UBXN2A: variants seen among roughly 807,000 people sequenced by gnomAD.
UBXN2A encodes the protein UBX domain-containing protein 2A.
UBXN2A carries 28 observed loss-of-function variants against 28.4 expected under a neutral mutation model. The observed-to-expected ratio is 0.99, with a 90% confidence interval of 0.73 to 1.35. The LOEUF (loss-of-function observed/expected upper bound fraction) is 1.35. UBXN2A is among the 40% of genes most tolerant of loss of function. The pLI is 0.00. For synonymous variants in UBXN2A, 97 were observed against 103.6 expected, an observed-to-expected ratio of 0.94 and a Z score of 0.39; for missense variants, 253 against 297.9, an observed-to-expected ratio of 0.85 and a Z score of 1.11.
At position 23,929,712 on chromosome 2, in the gene UBXN2A, CA is replaced by C. The variant is rs199982390; in HGVS notation, c.-138+2106del. ...TGGGCAACAGTGCAAAACTCCATCT[CA>C]AAAAAAAATAAATAAATAAAAAGGC... On this transcript the variant is annotated intron_variant, in intron 1 of 7. Coordinates refer to the UBXN2A transcript ENST00000404924. Among the ~76,000 whole-genome samples the C allele has an allele frequency of 3.3e-5, 5 of 149,256 alleles. No individual in the cohort carries two copies. The East Asian group carries it at 7.9e-4, about 24-fold the overall frequency.
In UBXN2A at chr2:24,003,039, A is replaced by G. The variant is rs1708749521; in HGVS notation, c.*3172A>G. The G allele has an allele frequency of 6.6e-6, 1 of 152,196 alleles. No homozygotes were observed. The highest frequency in any genetic ancestry group is 1.9e-4 in the East Asian group (1 of 5,200). The allele number at this position is 152,196 out of a possible 1,614,324, so 9.4% of individuals were successfully genotyped here. On this transcript the variant is annotated 3_prime_UTR_variant, in exon 7 of 7. Coordinates refer to ENST00000309033, the MANE Select transcript of UBXN2A (RefSeq NM_181713.4). ...TGGTTCACAATGATTCTGAAGCCTTAGTTTCAGAATCATTTGGGGCAGCTT... is the reference window on the plus strand; with the variant it reads ...TGGTTCACAATGATTCTGAAGCCTTGGTTTCAGAATCATTTGGGGCAGCTT...
intron 1 of UBXN2A, among the ~76,000 whole-genome samples, chr2:23,955,001 C>T (rs996008006): frequency 4.3e-5 from 6 of 139,586 alleles, no homozygotes; most frequent in Admixed American, 2.4e-4. Context: ...GGTGCAATTT[C>T]GGCTCACTGC....
intron 3 of UBXN2A, 34 bp from the exon 4 acceptor site, chr2:23,976,935 A>AACATGAC (rs753520533): frequency 6.1e-5 from 94 of 1,539,952 alleles, no homozygotes; most frequent in Non-Finnish European, 7.2e-5. Context: ...ACATTTTATT[A>AACATGAC]ACATGACGCA....
chr2:23,999,070 A>G (rs1385142799), intron 6 of UBXN2A, among the ~76,000 whole-genome samples: 1 of 152,238 alleles, frequency 6.6e-6, no homozygotes, highest in Non-Finnish European at 1.5e-5. Context: ...ATAAAGTGGC[A>G]CGTAGTGAAT....
chr2:23,959,178 T>C (rs1336898107), intron 2 of UBXN2A, among the ~76,000 whole-genome samples: 1 of 152,140 alleles, frequency 6.6e-6, no homozygotes, highest in African/African-American at 2.4e-5. Context: ...TATATAAATA[T>C]TTGATGCTAA....
intron 1 of UBXN2A, among the ~76,000 whole-genome samples, chr2:23,930,111 A>C (rs1705324690): frequency 6.6e-6 from 1 of 152,014 alleles, no homozygotes; most frequent in Non-Finnish European, 1.5e-5. Context: ...GATGGTCTTG[A>C]TCTCCTGACC....
chr2:23,928,781 T>A (rs888090693), intron 1 of UBXN2A, among the ~76,000 whole-genome samples: 1 of 151,986 alleles, frequency 6.6e-6, no homozygotes, highest in Non-Finnish European at 1.5e-5. Context: ...GAAATGACAA[T>A]TTTTTTTGTT....
At chr2:23,947,937 C>G (rs1706168228) in intron 1 of UBXN2A, among the ~76,000 whole-genome samples, 1 of 152,058 alleles carries the variant, frequency 6.6e-6, no homozygotes, top group African/African-American at 2.4e-5. Context: ...TCCCTGCAAC[C>G]TCCTCCTCCC....
intron 6 of UBXN2A, among the ~76,000 whole-genome samples, chr2:23,987,408 T>C (rs761748199): frequency 1.3e-5 from 2 of 152,222 alleles, no homozygotes; most frequent in Non-Finnish European, 2.9e-5. Context: ...TTACCTAGTA[T>C]ATATGTATTG....
At chr2:23,984,215 T>C (rs1164087266) in intron 5 of UBXN2A, among the ~76,000 whole-genome samples, 1 of 152,194 alleles carries the variant, frequency 6.6e-6, no homozygotes, top group Non-Finnish European at 1.5e-5. Context: ...TGCATACATA[T>C]TCATCCACAC....
At chr2:23,985,543 C>T (rs1273978486) in intron 6 of UBXN2A, among the ~76,000 whole-genome samples, 8 of 151,644 alleles carry the variant, frequency 5.3e-5, no homozygotes, top group African/African-American at 1.5e-4. Context: ...TGAGCCACCT[C>T]GACCAGCCTG....
intron 2 of UBXN2A, among the ~76,000 whole-genome samples, chr2:23,958,585 A>G (rs566750679): frequency 2.0e-5 from 3 of 152,302 alleles, no homozygotes; most frequent in South Asian, 4.1e-4. Flanking sequence ...ATCTGTGTTC[A>G]TACATTACTT....
intron 1 of UBXN2A, among the ~76,000 whole-genome samples, chr2:23,945,941 G>C (rs1362847369): frequency 6.7e-6 from 1 of 150,102 alleles, no homozygotes; most frequent in Non-Finnish European, 1.5e-5. Context: ...AGCAATTCTC[G>C]TGCCTCAGCC....
intron 4 of UBXN2A, among the ~76,000 whole-genome samples, chr2:23,979,734 A>G (rs1183374847): frequency 1.3e-5 from 2 of 151,910 alleles, no homozygotes; most frequent in African/African-American, 4.8e-5. Context: ...ATGCCCAGCT[A>G]ATTTTTTTTA....
intron 3 of UBXN2A, among the ~76,000 whole-genome samples, chr2:23,974,466 C>T (rs536922247): frequency 3.8e-4 from 58 of 151,994 alleles, no homozygotes; most frequent in Middle Eastern, 6.8e-3. Context: ...CTGCCTCAGC[C>T]TCCTGAGTAG....
At chr2:23,928,002 C>G (rs564172366) in intron 1 of UBXN2A, among the ~76,000 whole-genome samples, 1 of 151,634 alleles carries the variant, frequency 6.6e-6, no homozygotes, top group Admixed American at 6.6e-5. Flanking sequence ...ATGGTGAAAC[C>G]CTGTCTCCAC....
intron 4 of UBXN2A, among the ~76,000 whole-genome samples, chr2:23,978,735 G>A (rs947624582): frequency 1.4e-4 from 22 of 151,998 alleles, no homozygotes; most frequent in Admixed American, 4.6e-4. Flanking sequence ...AGGCGGAGGC[G>A]GGTGGATCAC....
At chr2:23,966,345 C>A (rs992566877) in intron 2 of UBXN2A, among the ~76,000 whole-genome samples, 10 of 151,942 alleles carry the variant, frequency 6.6e-5, no homozygotes, top group African/African-American at 2.4e-4. Flanking sequence ...ACCGTGTTGG[C>A]CAGATGGTCT....
At chr2:23,973,165 G>C (rs184566398) in intron 3 of UBXN2A, among the ~76,000 whole-genome samples, 2 of 150,778 alleles carry the variant, frequency 1.3e-5, no homozygotes, top group East Asian at 4.0e-4. Context: ...GATTACAGGT[G>C]CGCACCACCA....
Sources: allele counts gnomAD v4.1 joint callset (sites outside exome capture counted in the v4.1 genomes callset), GRCh38; gene constraint gnomAD v4.1.1; transcripts MANE v1.5; gene names NCBI Gene and HGNC (gene_info 2026-07-23, HGNC 2026-07-21).